ARHGAP26: variants seen among roughly 807,000 people sequenced by gnomAD.
ARHGAP26 encodes rho GTPase-activating protein 26.
A neutral mutation model predicts 104.8 loss-of-function variants in ARHGAP26; 38 were observed. The observed-to-expected ratio is 0.36, with a 90% CI of 0.28 to 0.48. The LOEUF (loss-of-function observed/expected upper bound fraction) is 0.48. ARHGAP26 is among the 20% of genes least tolerant of loss of function. ARHGAP26 has a pLI of 0.99. For synonymous variants in ARHGAP26, 341 were observed against 340.0 expected (o/e 1.00, Z -0.03); for missense variants, 704 against 947.9 (o/e 0.74, Z 3.38).
chr5:143,099,764 G>T (rs994474178), intron 17 of ARHGAP26, among the ~76,000 whole-genome samples: 1 of 151,936 alleles, frequency 6.6e-6, no homozygotes, highest in Non-Finnish European at 1.5e-5. Context: ...AGCAATGTGG[G>T]GGAATATCAA....
Position 143,096,382 on chromosome 5 carries a change from T to C in ARHGAP26, c.1539-24606T>C, listed in dbSNP as rs73300580. ...ATAAATTTTATCATTGCAACAAATA[T>C]TACTGTTTTCCTTAAAGTAGACACT... On this transcript the variant is annotated intron_variant, in intron 17 of 22. Transcript: ENST00000645722. Among the ~76,000 whole-genome samples, 795 of 152,342 alleles carry C rather than the reference T, an allele frequency of 5.2e-3. 5 individuals are homozygous for C. Among genetic ancestry groups the C allele is most frequent in the African/African-American group, 0.018 (753 of 41,570 alleles).
chr5:142,825,762 T>A (rs1047774166), intron 1 of ARHGAP26, among the ~76,000 whole-genome samples: 1 of 152,218 alleles, frequency 6.6e-6, no homozygotes. Flanking sequence ...CTAAAAAGGC[T>A]TTTCTGTCCA....
chr5:142,913,269 G>A lies in ARHGAP26; in HGVS notation c.1004G>A (p.Cys335Tyr). ...ACAGACTCCATTGAGAAGAGGTTTT[G>A]CTTTGATGTGGAAGCAGTAGACAGG... ...RKTDSIEKRFCFDVEAVDRPG... is the reference protein window; with the variant it reads ...RKTDSIEKRFYFDVEAVDRPG... Residue 335 changes from cysteine (C) to tyrosine (Y), a missense_variant, in exon 10 of 23, where the codon TGC (cysteine) becomes TAC (tyrosine). Physicochemically the swap from Cys to Tyr is radical, Grantham distance 194. This residue lies in a region of ARHGAP26 where 287 missense variants were observed against 438.8 expected (regional missense o/e 0.65). Transcript: ENST00000645722. The A allele has an allele frequency of 6.2e-7, 1 of 1,614,180 alleles. No homozygotes were observed. The highest frequency in any genetic ancestry group is 8.5e-7 in the Non-Finnish European group (1 of 1,180,004).
chr5:142,986,340 T>A (rs1480919937), intron 11 of ARHGAP26, among the ~76,000 whole-genome samples: 1 of 152,080 alleles, frequency 6.6e-6, no homozygotes, highest in Admixed American at 6.5e-5. Flanking sequence ...CTTTGCCCAC[T>A]TTTTGATGGG....
intron 10 of ARHGAP26, among the ~76,000 whole-genome samples, chr5:142,920,229 G>A (rs1411128825): frequency 6.6e-6 from 1 of 152,162 alleles, no homozygotes; most frequent in Non-Finnish European, 1.5e-5. Context: ...AGCCATTAGT[G>A]GTAGCAGGAT....
At chr5:143,012,544 C>CATAAT in intron 11 of ARHGAP26, among the ~76,000 whole-genome samples, 1 of 43,084 alleles carries the variant, frequency 2.3e-5, no homozygotes, top group South Asian at 5.5e-4. Flanking sequence ...TATTTATATA[C>CATAAT]ATACATACAT....
chr5:142,858,110 A>G (rs1363674356), intron 1 of ARHGAP26, among the ~76,000 whole-genome samples: 1 of 142,398 alleles, frequency 7.0e-6, no homozygotes, highest in Non-Finnish European at 1.5e-5. Context: ...AGAGAGAGAG[A>G]GGGAGTGTGT....
chr5:142,911,053 T>G (rs577660759), intron 9 of ARHGAP26, among the ~76,000 whole-genome samples: 2 of 152,302 alleles, frequency 1.3e-5, no homozygotes, highest in South Asian at 4.2e-4. Flanking sequence ...CCCACTGTTC[T>G]CATAGCTTCA....
chr5:143,146,889 T>C (rs1344476137), intron 19 of ARHGAP26, among the ~76,000 whole-genome samples: 1 of 152,214 alleles, frequency 6.6e-6, no homozygotes, highest in Admixed American at 6.5e-5. Context: ...GAGGGGTCTG[T>C]GGAGGCTTTT....
intron 17 of ARHGAP26, among the ~76,000 whole-genome samples, chr5:143,101,909 G>C (rs940641639): frequency 1.3e-5 from 2 of 151,806 alleles, no homozygotes; most frequent in African/African-American, 2.4e-5. Flanking sequence ...CCTTAAAAAG[G>C]GGGAAGCAGC....
chr5:143,017,814 C>A (rs989332883), intron 12 of ARHGAP26, among the ~76,000 whole-genome samples: 1 of 152,184 alleles, frequency 6.6e-6, no homozygotes, highest in African/African-American at 2.4e-5. Flanking sequence ...GTACTCACAC[C>A]ACCACAATGG....
At chr5:142,960,775 G>C (rs1251440572) in intron 11 of ARHGAP26, among the ~76,000 whole-genome samples, 2 of 152,238 alleles carry the variant, frequency 1.3e-5, no homozygotes, top group African/African-American at 2.4e-5. Flanking sequence ...CCTCTGGTGT[G>C]ATCAGAAAGG....
chr5:142,849,217 T>A (rs1597895422), intron 1 of ARHGAP26, among the ~76,000 whole-genome samples: 1 of 152,206 alleles, frequency 6.6e-6, no homozygotes, highest in Non-Finnish European at 1.5e-5. Context: ...TTTCACTAGC[T>A]AAAGCAATTC....
chr5:142,933,376 T>C (rs1764990999), intron 11 of ARHGAP26, among the ~76,000 whole-genome samples: 1 of 152,210 alleles, frequency 6.6e-6, no homozygotes, highest in African/African-American at 2.4e-5. Flanking sequence ...TATAGATAAG[T>C]AAACTGAAGC....
At chr5:143,074,012 C>A (rs1183638417) in intron 17 of ARHGAP26, among the ~76,000 whole-genome samples, 2 of 152,158 alleles carry the variant, frequency 1.3e-5, no homozygotes, top group African/African-American at 4.8e-5. Context: ...TGCATTTTTA[C>A]TGGAGAGTAG....
intron 14 of ARHGAP26, among the ~76,000 whole-genome samples, chr5:143,051,935 C>A (rs1462400227): frequency 6.6e-6 from 1 of 152,104 alleles, no homozygotes; most frequent in Non-Finnish European, 1.5e-5. Context: ...CATCCAGGAA[C>A]CATGCAGGAT....
intron 11 of ARHGAP26, among the ~76,000 whole-genome samples, chr5:142,961,318 C>G (rs897708780): frequency 6.6e-6 from 1 of 151,812 alleles, no homozygotes; most frequent in African/African-American, 2.4e-5. Context: ...TGGTGAAACC[C>G]CATCTCTACA....
intron 11 of ARHGAP26, among the ~76,000 whole-genome samples, chr5:142,970,044 A>T (rs1293634108): frequency 2.0e-5 from 3 of 152,228 alleles, no homozygotes; most frequent in Non-Finnish European, 4.4e-5. Flanking sequence ...GTGTATAAAC[A>T]GCCCACACCA....
intron 1 of ARHGAP26, among the ~76,000 whole-genome samples, chr5:142,798,730 C>T (rs1286019398): frequency 6.6e-6 from 1 of 152,220 alleles, no homozygotes; most frequent in East Asian, 1.9e-4. Context: ...TATGTATGCA[C>T]TTGGTGAACA....
Sources: gnomAD v4.1 joint callset for allele counts (sites outside exome capture counted in the v4.1 genomes callset) on GRCh38, gnomAD v4.1.1 for gene constraint, gnomAD v4.1.1 regional missense constraint, MANE v1.5 for transcripts, NCBI Gene and HGNC (gene_info 2026-07-23, HGNC 2026-07-21) for gene names.